The following RALGPS1 variants were observed in gnomAD, a reference collection of about 807,000 sequenced individuals.
RALGPS1 encodes ras-specific guanine nucleotide-releasing factor RalGPS1.
RALGPS1 carries 19 observed loss-of-function variants against 78.8 expected under a neutral mutation model. That is an observed-to-expected ratio of 0.24 (90% CI 0.17 to 0.35). The LOEUF is 0.35. Among genes scored for constraint, RALGPS1 ranks in the 10% least tolerant of loss-of-function variants. The pLI is 1.00. For missense variants in RALGPS1, 454 were observed against 688.3 expected, an observed-to-expected ratio of 0.66 and a Z score of 3.81; for synonymous variants, 228 against 256.3, an observed-to-expected ratio of 0.89 and a Z score of 1.06.
Position 127,212,462 on chromosome 9 carries a change from G to C in RALGPS1, c.1354-165G>C, listed in dbSNP as rs944811895. 2.6e-5 allele frequency among the ~76,000 whole-genome samples: 4 copies of C among 152,198 alleles called. No homozygotes were observed. Among genetic ancestry groups the C allele is most frequent in the Non-Finnish European group, 5.9e-5 (4 of 68,018 alleles). On this transcript the variant is annotated intron_variant, in intron 15 of 18. Transcript: ENST00000259351. This position sits in a 1 kb window ranked among gnomAD's most constrained non-coding sequence, Gnocchi z 6.0. ...AGAGACGGGAGGGAAGACGCCTCCT[G>C]TCTTGGTCCTAGGTGGAAGTTGGCA...
At chr9:127,070,032 C>G (rs987698600) in intron 8 of RALGPS1, 1 of 152,222 alleles carries the variant, frequency 6.6e-6, no homozygotes, top group African/African-American at 2.4e-5. Context: ...AGCCCTCAAC[C>G]TTTTTGGCAC....
intron 1 of RALGPS1, among the ~76,000 whole-genome samples, chr9:126,949,187 C>CATGGAAT (rs1295817664): frequency 6.6e-6 from 1 of 152,122 alleles, no homozygotes; most frequent in Non-Finnish European, 1.5e-5. Flanking sequence ...GTATATGTGC[C>CATGGAAT]ACATTTTCTT....
chr9:127,173,094 G>A (rs932672662), intron 10 of RALGPS1, among the ~76,000 whole-genome samples: 3 of 152,174 alleles, frequency 2.0e-5, no homozygotes, highest in Non-Finnish European at 2.9e-5. Flanking sequence ...GTAGCCTGTG[G>A]GAGTAGAAGG....
At chr9:127,012,675 G>T (rs1003715847) in intron 4 of RALGPS1, among the ~76,000 whole-genome samples, 3 of 152,254 alleles carry the variant, frequency 2.0e-5, no homozygotes, top group Non-Finnish European at 4.4e-5. Flanking sequence ...GCATCTGGGG[G>T]AAGGCTGGTG....
At chr9:127,097,734 C>T (rs1238368982) in intron 8 of RALGPS1, among the ~76,000 whole-genome samples, 1 of 152,148 alleles carries the variant, frequency 6.6e-6, no homozygotes, top group Non-Finnish European at 1.5e-5. Flanking sequence ...TAAATAATGC[C>T]CTCGTAGGGG....
chr9:127,135,498 T>G (rs1297546625), intron 8 of RALGPS1, among the ~76,000 whole-genome samples: 1 of 152,188 alleles, frequency 6.6e-6, no homozygotes, highest in East Asian at 1.9e-4. Flanking sequence ...GGGAAAGATT[T>G]GAGTGCCCTT....
At chr9:127,088,554 CAT>C (rs2052049009) in intron 8 of RALGPS1, 3 of 250,412 alleles carry the variant, frequency 1.2e-5, no homozygotes, top group Non-Finnish European at 2.3e-5. Flanking sequence ...AGATATATCA[CAT>C]GTGATGTATA....
intron 13 of RALGPS1, among the ~76,000 whole-genome samples, chr9:127,197,175 A>G (rs56303174): frequency 0.046 from 7,001 of 152,316 alleles, 566 homozygotes; most frequent in African/African-American, 0.16. Context: ...TGGCAACAGA[A>G]GAGACAGAAA....
At chr9:127,014,587 T>C (rs2044647505) in intron 4 of RALGPS1, among the ~76,000 whole-genome samples, 1 of 152,202 alleles carries the variant, frequency 6.6e-6, no homozygotes, top group African/African-American at 2.4e-5. Flanking sequence ...TATCTCATAA[T>C]AATTTCATTA....
At chr9:127,150,800 C>G (rs2058373398) in intron 8 of RALGPS1, among the ~76,000 whole-genome samples, 1 of 152,176 alleles carries the variant, frequency 6.6e-6, no homozygotes. Context: ...CTTTCTGCCC[C>G]AGGGGTTTGG....
chr9:127,198,874 G>C, intron 13 of RALGPS1, 141 bp from the exon 14 acceptor site: 1 of 760,996 alleles, frequency 1.3e-6, no homozygotes, highest in South Asian at 1.5e-5. Flanking sequence ...GCAAAAACTC[G>C]AGTACGTTGA....
At chr9:127,169,475 A>C (rs1319858729) in intron 10 of RALGPS1, among the ~76,000 whole-genome samples, 1 of 151,874 alleles carries the variant, frequency 6.6e-6, no homozygotes, top group Non-Finnish European at 1.5e-5. Context: ...TTTCGTGTTA[A>C]CTCTGTCTGC....
intron 4 of RALGPS1, among the ~76,000 whole-genome samples, chr9:126,997,505 C>T (rs1478249693): frequency 6.6e-6 from 1 of 152,088 alleles, no homozygotes; most frequent in African/African-American, 2.4e-5. Context: ...AACCACTGCT[C>T]AATGAAATAA....
intron 8 of RALGPS1, among the ~76,000 whole-genome samples, chr9:127,099,140 CT>C (rs2136724933): frequency 6.6e-6 from 1 of 152,312 alleles, no homozygotes; most frequent in African/African-American, 2.4e-5. Context: ...CCTGACAGTC[CT>C]TTTTATCCCC....
chr9:127,000,833 T>C (rs765417997), intron 4 of RALGPS1, among the ~76,000 whole-genome samples: 1 of 151,460 alleles, frequency 6.6e-6, no homozygotes, highest in Non-Finnish European at 1.5e-5. Flanking sequence ...GGATTATAGG[T>C]GTGAGCCACC....
At chr9:127,196,764 C>T in intron 13 of RALGPS1, 133 bp downstream of exon 13, 1 of 1,077,156 alleles carries the variant, frequency 9.3e-7, no homozygotes, top group Admixed American at 2.6e-5. Context: ...CCCTCACCTC[C>T]CTGCAGAGGT....
At chr9:127,051,053 T>C (rs1324154377) in intron 6 of RALGPS1, among the ~76,000 whole-genome samples, 1 of 152,208 alleles carries the variant, frequency 6.6e-6, no homozygotes, top group Non-Finnish European at 1.5e-5. Flanking sequence ...ATCGGAGTCG[T>C]GCCTCTCTGC....
At chr9:127,135,843 A>G (rs2057358875) in intron 8 of RALGPS1, among the ~76,000 whole-genome samples, 1 of 152,230 alleles carries the variant, frequency 6.6e-6, no homozygotes, top group Admixed American at 6.5e-5. Context: ...GAGAACAAAG[A>G]TGAACTTTGA....
Position 126,992,610 on chromosome 9 carries a change from T to C in RALGPS1, c.216+14865T>C, listed in dbSNP as rs142396062. On this transcript the variant is annotated intron_variant, in intron 4 of 18. Transcript: ENST00000259351. ...AATCTGTAGATCCATTTGGGGAGAATTGACATTTTAATGATATTGCATCAC... is the reference window on the plus strand; with the variant it reads ...AATCTGTAGATCCATTTGGGGAGAACTGACATTTTAATGATATTGCATCAC... 1.5e-3 allele frequency among the ~76,000 whole-genome samples: 230 copies of C among 152,302 alleles called. 1 individual carries two copies. The highest frequency in any genetic ancestry group is 3.4e-3 in the Middle Eastern group (1 of 294).
Sources: allele counts gnomAD v4.1 joint callset (sites outside exome capture counted in the v4.1 genomes callset), GRCh38; gene constraint gnomAD v4.1.1; non-coding constraint Gnocchi (gnomAD v3.1); transcripts MANE v1.5; gene names NCBI Gene and HGNC (gene_info 2026-07-23, HGNC 2026-07-21).